ZNF573: variants seen among roughly 807,000 people sequenced by gnomAD.
ZNF573 encodes the protein zinc finger protein 573.
In ZNF573, 41 loss-of-function variants were observed where a neutral mutation model predicts 57.4. The observed-to-expected ratio is 0.71, with a 90% CI of 0.56 to 0.93. ZNF573 has a LOEUF of 0.93. Among genes scored for constraint, ZNF573 ranks in the 40% least tolerant of loss-of-function variants. ZNF573 has a pLI of 0.00. For synonymous variants in ZNF573, 249 were observed against 261.0 expected (o/e 0.95, Z 0.44); for missense variants, 730 against 794.8 (o/e 0.92, Z 0.98).
chr19:37,775,004 C>T (rs1376861905), intron 1 of ZNF573, among the ~76,000 whole-genome samples: 1 of 146,008 alleles, frequency 6.8e-6, no homozygotes, highest in Non-Finnish European at 1.5e-5. Flanking sequence ...TACTGCTAAA[C>T]TCTCTCTCTT....
chr19:37,765,186 C>A (rs1267890224), intron 4 of ZNF573, among the ~76,000 whole-genome samples: 1 of 152,116 alleles, frequency 6.6e-6, no homozygotes, highest in Non-Finnish European at 1.5e-5. Flanking sequence ...AGCCACCACA[C>A]CCAGTCACTT....
rs1467528881 is a variant in ZNF573, at chr19:37,771,577, G to A, written c.189C>T (p.Asn63=). 1.2e-6 allele frequency: 2 copies of A among 1,609,454 alleles called. No individual in the cohort carries two copies. The highest frequency in any genetic ancestry group is 2.2e-5 in the South Asian group (2 of 90,658). ...YRDVMLENYR[N]LVSLGGHSIS... ...AAATAAACTTACCCAGTGATACCAG[G>A]TTTCTATAGTTCTCCAACATCACAT... The change falls in exon 3 of 5, where the codon AAC becomes AAT. Residue 63 remains asparagine (N), a synonymous_variant. Coordinates refer to ENST00000536220, the MANE Select transcript of ZNF573 (RefSeq NM_001172690.2).
intron 4 of ZNF573, among the ~76,000 whole-genome samples, chr19:37,759,395 G>A (rs894912913): frequency 3.3e-5 from 5 of 151,844 alleles, no homozygotes; most frequent in Admixed American, 1.3e-4. Flanking sequence ...TAGTTTTAAG[G>A]GTTTTTAAAA....
chr19:37,739,536 A>G lies in ZNF573; in HGVS notation c.954T>C (p.Thr318=). The change falls in exon 5 of 5, where the codon ACT becomes ACC. Residue 318 remains threonine (T), a synonymous_variant. Coordinates refer to ENST00000536220, the MANE Select transcript of ZNF573 (RefSeq NM_001172690.2). Reference sequence around the variant, plus strand: ...TACCAGTGTGAACTCTCTGATGTACAGTAAGCTGGTGACCTCTTCTAAAGG... The same window carrying G: ...TACCAGTGTGAACTCTCTGATGTACGGTAAGCTGGTGACCTCTTCTAAAGG... ...GKAFRRGHQL[T]VHQRVHTGKK... is the part of the protein sequence containing the mutation. 1 of 1,612,838 alleles carries G rather than the reference A, an allele frequency of 6.2e-7. No homozygotes were observed. Among genetic ancestry groups the G allele is most frequent in the Non-Finnish European group, 8.5e-7 (1 of 1,179,614 alleles).
intron 4 of ZNF573, among the ~76,000 whole-genome samples, chr19:37,766,615 A>G (rs2045604154): frequency 6.6e-6 from 1 of 152,218 alleles, no homozygotes; most frequent in Non-Finnish European, 1.5e-5. Context: ...TCCCCGCATG[A>G]AGACCAGCCT....
intron 1 of ZNF573, among the ~76,000 whole-genome samples, chr19:37,778,067 C>T (rs937173520): frequency 1.3e-5 from 2 of 149,056 alleles, no homozygotes; most frequent in Non-Finnish European, 3.0e-5. Flanking sequence ...GAGGTGGTCT[C>T]TTGAAGTAAC....
chr19:37,768,993 C>T (rs1455395209), intron 4 of ZNF573, among the ~76,000 whole-genome samples: 1 of 149,136 alleles, frequency 6.7e-6, no homozygotes, highest in Non-Finnish European at 1.5e-5. Context: ...GAGACAGAGT[C>T]TTACTCTGTC....
chr19:37,741,632 C>G (rs1158779120), intron 4 of ZNF573, among the ~76,000 whole-genome samples: 3 of 152,142 alleles, frequency 2.0e-5, no homozygotes, highest in Admixed American at 6.5e-5. Flanking sequence ...ATTCAACATC[C>G]CTTCATGTCA....
rs766957074 is a variant in ZNF573 at position 37,739,119 on chromosome 19, A to G, written c.1371T>C (p.Leu457=). Residue 457 remains leucine (L), a synonymous_variant, in exon 5 of 5, where the codon CTT becomes CTC. Transcript: ENST00000536220. The part of the protein sequence containing the change: ...CKKTFTLYRN[L]TRHQNIHTGK... Reference sequence around the variant, plus strand: ...CAGTGTGAATATTCTGATGTCGAGTAAGATTTCTATACAAAGTAAAGGTTT... The same window carrying G: ...CAGTGTGAATATTCTGATGTCGAGTGAGATTTCTATACAAAGTAAAGGTTT... 145 of 1,613,582 alleles carry G rather than the reference A, an allele frequency of 9.0e-5. No individual in the cohort carries two copies. The highest frequency in any genetic ancestry group is 1.2e-4 in the Non-Finnish European group (137 of 1,179,882).
intron 4 of ZNF573, among the ~76,000 whole-genome samples, chr19:37,757,658 G>A (rs1021017973): frequency 6.6e-6 from 1 of 152,132 alleles, no homozygotes; most frequent in East Asian, 1.9e-4. Flanking sequence ...TCTAAAACTA[G>A]AAATACCATT....
intron 4 of ZNF573, among the ~76,000 whole-genome samples, chr19:37,745,643 G>A (rs150390966): frequency 0.033 from 5,007 of 151,718 alleles, 122 homozygotes; most frequent in South Asian, 0.1. Flanking sequence ...TGATCTGCCC[G>A]CTTCAGCCTC....
chr19:37,761,408 A>G (rs1284985045), intron 4 of ZNF573, among the ~76,000 whole-genome samples: 1 of 152,108 alleles, frequency 6.6e-6, no homozygotes, highest in Non-Finnish European at 1.5e-5. Context: ...CCTGTCTCTC[A>G]GTCCCATTCT....
At chr19:37,749,278 T>C (rs2045411610) in intron 4 of ZNF573, among the ~76,000 whole-genome samples, 1 of 151,682 alleles carries the variant, frequency 6.6e-6, no homozygotes, top group African/African-American at 2.4e-5. Flanking sequence ...ATATATTATA[T>C]ATTATACATT....
chr19:37,752,048 C>A (rs1447077020), intron 4 of ZNF573, among the ~76,000 whole-genome samples: 1 of 149,940 alleles, frequency 6.7e-6, no homozygotes. Flanking sequence ...GTATATAGTA[C>A]AGTATATAGA....
chr19:37,768,662 T>TTTAC lies in ZNF573; in HGVS notation c.295+1342_295+1343insGTAA, dbSNP rs2045623463. 2.0e-5 allele frequency among the ~76,000 whole-genome samples: 3 copies of TTTAC among 151,924 alleles called. No individual in the cohort carries two copies. The South Asian group carries it at 6.2e-4, about 32-fold the overall frequency. On this transcript the variant is annotated intron_variant, in intron 4 of 4. Transcript: ENST00000536220. ...GTAGTTGTTTGCCTGCTTATTTTATTTTATTTATTTATTTATTTTTTGAGA... is the reference window on the plus strand; with the variant it reads ...GTAGTTGTTTGCCTGCTTATTTTATTTTACTTATTTATTTATTTATTTTTTGAGA...
chr19:37,768,374 G>A (rs1390650835), intron 4 of ZNF573, among the ~76,000 whole-genome samples: 1 of 152,040 alleles, frequency 6.6e-6, no homozygotes, highest in Non-Finnish European at 1.5e-5. Context: ...CTACTTTGGT[G>A]CTCCTCAAAC....
intron 4 of ZNF573, among the ~76,000 whole-genome samples, chr19:37,768,560 A>C (rs778151755): frequency 8.5e-5 from 13 of 152,214 alleles, no homozygotes; most frequent in South Asian, 2.1e-4. Context: ...GCCCCAAAGA[A>C]GCTGTCCCCA....
At chr19:37,759,144 TAAAC>T (rs986578345) in intron 4 of ZNF573, 49 of 606,542 alleles carry the variant, frequency 8.1e-5, no homozygotes, top group South Asian at 5.1e-4. Flanking sequence ...CCATCTCTAA[TAAAC>T]AAACAAACAA....
At chr19:37,769,734 AAAAAAAAAAAAAAAAAGAAAAG>A (rs1004808684) in intron 4 of ZNF573, among the ~76,000 whole-genome samples, 1 of 149,844 alleles carries the variant, frequency 6.7e-6, no homozygotes, top group Non-Finnish European at 1.5e-5. Context: ...TCGGAAAAAA[AAAAAAAAAAAAAAAAAGAAAAG>A]AAAAAAGAAA....
Sources: allele counts gnomAD v4.1 joint callset (sites outside exome capture counted in the v4.1 genomes callset), GRCh38; gene constraint gnomAD v4.1.1; transcripts MANE v1.5; gene names NCBI Gene and HGNC (gene_info 2026-07-23, HGNC 2026-07-21).